The following DGAT2 variants were observed in gnomAD, a reference collection of about 807,000 sequenced individuals.
DGAT2 encodes acyl-CoA retinol O-fatty-acyltransferase.
In DGAT2, 33 loss-of-function variants were observed where a neutral mutation model predicts 48.4. The ratio of observed to expected loss-of-function variants is 0.68; its 90% CI spans 0.52 to 0.91. DGAT2 has a LOEUF of 0.91. Ranked by LOEUF, DGAT2 falls within the 40% of genes least tolerant of loss-of-function variation. DGAT2 has a pLI of 0.00. For missense variants in DGAT2, 446 were observed against 493.7 expected, an observed-to-expected ratio of 0.90 and a Z score of 0.92; for synonymous variants, 191 against 194.1, an observed-to-expected ratio of 0.98 and a Z score of 0.13.
intron 2 of DGAT2, among the ~76,000 whole-genome samples, chr11:75,786,228 A>G (rs984304206): frequency 6.6e-6 from 1 of 152,200 alleles, no homozygotes; most frequent in East Asian, 1.9e-4. Flanking sequence ...CATGGCTTGC[A>G]TTTGGCCACT....
chr11:75,796,342 C>G lies in DGAT2; in HGVS notation c.444C>G (p.His148Gln). The change falls in exon 5 of 8, where the codon CAC (histidine) becomes CAG (glutamine). Residue 148 changes from histidine to glutamine, a missense_variant. Transcript: ENST00000228027. ...CATCCTTGCAGCTGGTGAAGACACA[C>G]AACCTGCTGACCACCAGGAACTATA... ...DYFPIQLVKTHNLLTTRNYIF... is the reference protein window; with the variant it reads ...DYFPIQLVKTQNLLTTRNYIF... The G allele has an allele frequency of 6.2e-7, 1 of 1,613,996 alleles. No homozygotes were observed. Among genetic ancestry groups the G allele is most frequent in the South Asian group, 1.1e-5 (1 of 91,060 alleles).
intron 6 of DGAT2, among the ~76,000 whole-genome samples, chr11:75,797,579 C>T (rs1203494302): frequency 6.6e-6 from 1 of 152,186 alleles, no homozygotes; most frequent in Non-Finnish European, 1.5e-5. Flanking sequence ...AGAGTCCAGG[C>T]TTATATGCAG....
At chr11:75,770,784 A>G (rs556006826) in intron 1 of DGAT2, among the ~76,000 whole-genome samples, 1 of 152,048 alleles carries the variant, frequency 6.6e-6, no homozygotes, top group Admixed American at 6.5e-5. Flanking sequence ...CCATGTTGTT[A>G]TCAGATCTTG....
At chr11:75,769,259 A>G in intron 1 of DGAT2, 147 bp downstream of exon 1, 2 of 1,028,398 alleles carry the variant, frequency 1.9e-6, no homozygotes, top group Non-Finnish European at 2.6e-6. Flanking sequence ...ATCGCTTTCC[A>G]CCCGCCCCCC....
At chr11:75,779,457 C>T (rs927263457) in intron 1 of DGAT2, among the ~76,000 whole-genome samples, 3 of 152,218 alleles carry the variant, frequency 2.0e-5, no homozygotes, top group African/African-American at 4.8e-5. Context: ...CTTCACCTCA[C>T]CTCAGTTTCC....
intron 2 of DGAT2, among the ~76,000 whole-genome samples, chr11:75,785,531 G>A (rs1269262648): frequency 1.3e-5 from 2 of 152,248 alleles, no homozygotes; most frequent in Non-Finnish European, 2.9e-5. Flanking sequence ...ATCCAGGCCA[G>A]GGGCAGGACA....
At chr11:75,786,571 A>G (rs1295297526) in intron 2 of DGAT2, among the ~76,000 whole-genome samples, 2 of 152,214 alleles carry the variant, frequency 1.3e-5, no homozygotes, top group Non-Finnish European at 2.9e-5. Flanking sequence ...GATCAGACCC[A>G]ACCACAGCCC....
intron 1 of DGAT2, among the ~76,000 whole-genome samples, chr11:75,779,744 G>C (rs1944840151): frequency 6.6e-6 from 1 of 152,192 alleles, no homozygotes. Context: ...CCATAAAACA[G>C]AGACATCTGT....
At chr11:75,796,820 T>TGGCACTGTAATTGTCCAC (rs1945061770) in intron 5 of DGAT2, 1 of 502,576 alleles carries the variant, frequency 2.0e-6, no homozygotes, top group African/African-American at 1.9e-5. Flanking sequence ...TTGTTGTCCA[T>TGGCACTGTAATTGTCCAC]GGCACTGTAA....
rs568828030 is a variant in DGAT2 at position 75,799,668 on chromosome 11, C to T, written c.1013-686C>T. Among the ~76,000 whole-genome samples the T allele has an allele frequency of 2.6e-4, 39 of 151,610 alleles. No homozygotes were observed. In the South Asian group the frequency reaches 8.1e-3, roughly 32 times the overall value. On this transcript the variant is annotated intron_variant, in intron 7 of 7. Coordinates refer to ENST00000228027, the MANE Select transcript of DGAT2 (RefSeq NM_032564.5). Reference sequence around the variant, plus strand: ...TCATTCTGTCATCCAGGCTGGAGTGCAGTGGCGCAATCTCGGCTCACTGTA... The same window carrying T: ...TCATTCTGTCATCCAGGCTGGAGTGTAGTGGCGCAATCTCGGCTCACTGTA...
chr11:75,775,039 A>G (rs1357253952), intron 1 of DGAT2, among the ~76,000 whole-genome samples: 16 of 152,190 alleles, frequency 1.1e-4, no homozygotes, highest in Non-Finnish European at 2.9e-5. Flanking sequence ...TACTTGATGA[A>G]AACGGAATAC....
chr11:75,796,299 T>C (rs752229959), intron 4 of DGAT2, 29 bp from the exon 5 acceptor site: 3 of 1,602,080 alleles, frequency 1.9e-6, no homozygotes, highest in African/African-American at 2.7e-5. Context: ...TCCCAGCCAG[T>C]TTCCTCTGAC....
chr11:75,796,351 G>T lies in DGAT2; in HGVS notation c.453G>T (p.Leu151=), dbSNP rs1565319943. 6.2e-7 allele frequency: 1 copy of T among 1,614,034 alleles called. No individual in the cohort carries two copies. Among genetic ancestry groups the T allele is most frequent in the Admixed American group, 1.7e-5 (1 of 60,022 alleles). ...PIQLVKTHNL[L]TTRNYIFGYH... is the part of the protein sequence containing the mutation. Reference sequence around the variant, plus strand: ...AGCTGGTGAAGACACACAACCTGCTGACCACCAGGAACTATATCTTTGGAT... The same window carrying T: ...AGCTGGTGAAGACACACAACCTGCTTACCACCAGGAACTATATCTTTGGAT... The change falls in exon 5 of 8, where the codon CTG becomes CTT. Residue 151 remains leucine, a synonymous_variant. Coordinates refer to ENST00000228027, the MANE Select transcript of DGAT2 (RefSeq NM_032564.5).
At chr11:75,789,566 C>T (rs184071594) in intron 2 of DGAT2, among the ~76,000 whole-genome samples, 8 of 152,302 alleles carry the variant, frequency 5.3e-5, no homozygotes, top group Admixed American at 2.0e-4. Context: ...GTCCCCTCTC[C>T]GGTCCCTCTA....
Position 75,798,237 on chromosome 11 carries a change from G to T in DGAT2, c.820G>T (p.Val274Phe). 2 of 1,614,178 alleles carry T rather than the reference G, an allele frequency of 1.2e-6. No homozygotes were observed. The highest frequency in any genetic ancestry group is 2.2e-5 in the South Asian group (2 of 91,082). The change falls in exon 7 of 8, where the codon GTT (valine) becomes TTT (phenylalanine). Residue 274 changes from valine to phenylalanine, a missense_variant. Physicochemically the swap from Val to Phe is conservative, Grantham distance 50 (BLOSUM62 -1). Transcript: ENST00000228027. Reference sequence around the variant, plus strand: ...GCCTCTCCCTTCCAGAGCTGACCTGGTTCCCATCTACTCCTTTGGAGAGAA... The same window carrying T: ...GCCTCTCCCTTCCAGAGCTGACCTGTTTCCCATCTACTCCTTTGGAGAGAA... ...KLALRHGADLVPIYSFGENEV... is the reference protein window; with the variant it reads ...KLALRHGADLFPIYSFGENEV...
At chr11:75,794,706 G>C (rs1945028402) in intron 4 of DGAT2, 1 of 152,128 alleles carries the variant, frequency 6.6e-6, no homozygotes, top group Non-Finnish European at 1.5e-5. Flanking sequence ...ACAGATAGCT[G>C]TATGTTTGGT....
chr11:75,770,221 C>T (rs572627359), intron 1 of DGAT2, among the ~76,000 whole-genome samples: 1 of 152,284 alleles, frequency 6.6e-6, no homozygotes, highest in Non-Finnish European at 1.5e-5. Context: ...TTCTGTTAAT[C>T]AGAATCACTT....
chr11:75,774,215 C>T (rs1168701281), intron 1 of DGAT2, among the ~76,000 whole-genome samples: 1 of 152,216 alleles, frequency 6.6e-6, no homozygotes, highest in Non-Finnish European at 1.5e-5. Flanking sequence ...ATTTGAGGGC[C>T]TCATGGGCAG....
chr11:75,777,463 T>G (rs1944813633), intron 1 of DGAT2, among the ~76,000 whole-genome samples: 1 of 152,234 alleles, frequency 6.6e-6, no homozygotes, highest in Non-Finnish European at 1.5e-5. Flanking sequence ...TACTTGGTAA[T>G]TAATCAGCAT....
Sources: allele counts gnomAD v4.1 joint callset (sites outside exome capture counted in the v4.1 genomes callset), GRCh38; gene constraint gnomAD v4.1.1; transcripts MANE v1.5; gene names NCBI Gene and HGNC (gene_info 2026-07-23, HGNC 2026-07-21).